Variants in NRP1 observed in about 807,000 individuals in gnomAD.
NRP1 encodes the protein neuropilin 1.
In NRP1, 35 loss-of-function variants were observed where a neutral mutation model predicts 106.7. That is an observed-to-expected ratio of 0.33 (90% CI 0.25 to 0.43). The LOEUF is 0.43. Ranked by LOEUF, NRP1 falls within the 20% of genes least tolerant of loss-of-function variation. The probability of loss-of-function intolerance (pLI) is 1.00; values close to 1 mark genes in which losing one functional copy is unlikely to be tolerated. For missense variants in NRP1, 1,024 were observed against 1,170.4 expected (o/e 0.87, Z 1.83); for synonymous variants, 437 against 417.9 (o/e 1.05, Z -0.56).
intron 2 of NRP1, among the ~76,000 whole-genome samples, chr10:33,317,935 A>G (rs1459138829): frequency 1.3e-5 from 2 of 152,230 alleles, no homozygotes; most frequent in East Asian, 1.9e-4. Flanking sequence ...TGAAATATTT[A>G]TAAGTGTCTC....
chr10:33,202,598 G>A (rs1326186195), intron 11 of NRP1: 1 of 1,472,012 alleles, frequency 6.8e-7, no homozygotes, highest in African/African-American at 1.4e-5. Context: ...TGAAAATAAG[G>A]ATCGGTTTAG....
chr10:33,320,926 C>A (rs1280605801), intron 2 of NRP1, among the ~76,000 whole-genome samples: 2 of 152,132 alleles, frequency 1.3e-5, no homozygotes, highest in African/African-American at 4.8e-5. Context: ...GTCACATTAA[C>A]TGGAATTTGT....
At chr10:33,318,989 TTTTC>T (rs1443011670) in intron 2 of NRP1, among the ~76,000 whole-genome samples, 1 of 141,762 alleles carries the variant, frequency 7.1e-6, no homozygotes, top group Non-Finnish European at 1.5e-5. Flanking sequence ...CTTAGAGAAC[TTTTC>T]TTTTCTTTCT....
chr10:33,240,783 A>G (rs1278341833), intron 6 of NRP1, among the ~76,000 whole-genome samples: 5 of 152,168 alleles, frequency 3.3e-5, no homozygotes, highest in African/African-American at 1.2e-4. Context: ...GCCTAAGGTT[A>G]TAACGAATGC....
chr10:33,321,908 G>A (rs1015964216), intron 2 of NRP1, among the ~76,000 whole-genome samples: 4 of 152,164 alleles, frequency 2.6e-5, no homozygotes, highest in Non-Finnish European at 5.9e-5. Context: ...CTGGCTGCTT[G>A]TACAAAGTAT....
At chr10:33,266,241 T>G (rs931496016) in intron 3 of NRP1, among the ~76,000 whole-genome samples, 3 of 152,238 alleles carry the variant, frequency 2.0e-5, no homozygotes, top group Non-Finnish European at 4.4e-5. Flanking sequence ...TTTGCCCTTG[T>G]CATGCTATGG....
At chr10:33,237,905 C>A (rs949246775) in intron 6 of NRP1, among the ~76,000 whole-genome samples, 1 of 152,044 alleles carries the variant, frequency 6.6e-6, no homozygotes, top group African/African-American at 2.4e-5. Flanking sequence ...CTTCGGAGAG[C>A]AAAGATAAGT....
chr10:33,244,526 G>A (rs1387440312), intron 6 of NRP1, among the ~76,000 whole-genome samples: 2 of 152,138 alleles, frequency 1.3e-5, no homozygotes, highest in African/African-American at 4.8e-5. Flanking sequence ...GACAGGAACA[G>A]CCTTTCACCC....
At chr10:33,301,353 A>T (rs548800052) in intron 2 of NRP1, among the ~76,000 whole-genome samples, 1 of 152,326 alleles carries the variant, frequency 6.6e-6, no homozygotes, top group Admixed American at 6.5e-5. Context: ...AATAAACTGG[A>T]TGACAGCGTA....
chr10:33,321,090 G>T (rs755761548), intron 2 of NRP1, among the ~76,000 whole-genome samples: 1 of 152,128 alleles, frequency 6.6e-6, no homozygotes, highest in Admixed American at 6.6e-5. Context: ...GGGTTCAAGC[G>T]ATTCTCCTGC....
intron 6 of NRP1, among the ~76,000 whole-genome samples, chr10:33,244,049 G>C (rs1333884977): frequency 6.6e-6 from 1 of 151,780 alleles, no homozygotes; most frequent in Non-Finnish European, 1.5e-5. Context: ...ATTTTGATGT[G>C]GTGCTTTCAA....
Position 33,316,326 on chromosome 10 carries a change from T to C in NRP1, c.248+14382A>G, listed in dbSNP as rs765722712. Among the ~76,000 whole-genome samples, 8 of 152,112 alleles carry C rather than the reference T, an allele frequency of 5.3e-5. No homozygotes were observed. In the East Asian group the frequency reaches 9.7e-4, roughly 18 times the overall value. ...ATAGGAATCAGGAGACATTCCAGAG[T>C]TTCAAATTTGGGTAAGTAGGAAATG... is the stretch of plus-strand genomic sequence containing the variant. On this transcript the variant is annotated intron_variant, in intron 2 of 16. Coordinates refer to ENST00000374867, the MANE Select transcript of NRP1 (RefSeq NM_003873.7).
intron 7 of NRP1, among the ~76,000 whole-genome samples, chr10:33,225,338 C>T (rs1170184328): frequency 2.0e-5 from 3 of 152,206 alleles, no homozygotes; most frequent in African/African-American, 7.2e-5. Flanking sequence ...TGGCCTCTTC[C>T]CAAGCCCATC....
At position 33,180,217 on chromosome 10, in the gene NRP1, G is replaced by A. The variant is rs146431911; in HGVS notation, c.2631C>T (p.Val877=). The change falls in exon 17 of 17, where the codon GTC becomes GTT. Residue 877 remains valine (V), a synonymous_variant. Coordinates refer to ENST00000374867, the MANE Select transcript of NRP1 (RefSeq NM_003873.7). The part of the protein sequence containing the change: ...LGVLLGAVCG[V]VLYCACWHNG... ...TATGCCAACAGGCACAGTACAGCAC[G>A]ACCCCACAGACAGCCCCCAGGAGGA... is the stretch of plus-strand genomic sequence containing the variant. 20 of 1,613,950 alleles carry A rather than the reference G, an allele frequency of 1.2e-5. 1 individual carries two copies. The highest frequency in any genetic ancestry group is 1.6e-4 in the Middle Eastern group (1 of 6,084).
At chr10:33,236,436 T>C (rs1215922380) in intron 6 of NRP1, among the ~76,000 whole-genome samples, 2 of 152,248 alleles carry the variant, frequency 1.3e-5, no homozygotes, top group Non-Finnish European at 2.9e-5. Flanking sequence ...GCTCTTCTAA[T>C]ATAACTCTTG....
rs1210801123 is a variant in NRP1, at chr10:33,178,585, T to C, written c.*1491A>G. On this transcript the variant is annotated 3_prime_UTR_variant, in exon 17 of 17. Transcript: ENST00000374867. ...TAAATTAACTGTTCTTCCTTCCACT[T>C]CCCTTGTGTGACTCAGTAGCAAAAT... The C allele has an allele frequency of 6.6e-6, 1 of 152,226 alleles. No individual in the cohort carries two copies. The highest frequency in any genetic ancestry group is 1.5e-5 in the Non-Finnish European group (1 of 68,042). 9.4% of individuals were successfully genotyped at this position (152,226 alleles called of 1,614,324 possible). A position where few individuals can be genotyped will look rare whatever the true frequency, so the allele number is the denominator to read the frequency against.
intron 2 of NRP1, among the ~76,000 whole-genome samples, chr10:33,312,031 T>A (rs1846641634): frequency 6.6e-6 from 1 of 152,208 alleles, no homozygotes; most frequent in Non-Finnish European, 1.5e-5. Flanking sequence ...AAGTTAGTCC[T>A]CTGTTGAGCA....
intron 6 of NRP1, among the ~76,000 whole-genome samples, chr10:33,237,345 G>A (rs568305612): frequency 2.8e-4 from 43 of 152,150 alleles, no homozygotes; most frequent in African/African-American, 9.4e-4. Flanking sequence ...ACTTCTGGAA[G>A]GGTCTAGAAA....
intron 13 of NRP1, among the ~76,000 whole-genome samples, chr10:33,189,392 C>T (rs1333419810): frequency 6.6e-6 from 1 of 152,196 alleles, no homozygotes; most frequent in Non-Finnish European, 1.5e-5. Flanking sequence ...GGCTGCTTTC[C>T]TTGACCCCTC....
Sources: allele counts gnomAD v4.1 joint callset (sites outside exome capture counted in the v4.1 genomes callset), GRCh38; gene constraint gnomAD v4.1.1; transcripts MANE v1.5; gene names NCBI Gene and HGNC (gene_info 2026-07-23, HGNC 2026-07-21).